The following SHISA9 variants were observed in gnomAD, a reference collection of about 807,000 sequenced individuals.
The protein encoded by SHISA9 is shisa family member 9.
A neutral mutation model predicts 38.0 loss-of-function variants in SHISA9; 13 were observed. That is an observed-to-expected ratio of 0.34 (90% CI 0.22 to 0.54). The LOEUF (loss-of-function observed/expected upper bound fraction) is 0.54. Among genes scored for constraint, SHISA9 ranks in the 20% least tolerant of loss-of-function variants. SHISA9 has a pLI of 0.91. For missense variants in SHISA9, 538 were observed against 575.8 expected (o/e 0.93, Z 0.67); for synonymous variants, 275 against 242.0 (o/e 1.14, Z -1.27).
chr16:13,340,058 A>T, the SHISA9 span, among the ~76,000 whole-genome samples: 1 of 152,216 alleles, frequency 6.6e-6, no homozygotes, highest in Non-Finnish European at 1.5e-5. Context: ...CTTTAGATTT[A>T]GTCATTCCTG....
At chr16:13,342,861 G>A in the SHISA9 span, among the ~76,000 whole-genome samples, 1 of 151,990 alleles carries the variant, frequency 6.6e-6, no homozygotes, top group Non-Finnish European at 1.5e-5. Context: ...ATGCAGTAAG[G>A]GCTACACACC....
chr16:13,490,243 G>A, the SHISA9 span, among the ~76,000 whole-genome samples: 2 of 152,172 alleles, frequency 1.3e-5, no homozygotes, highest in Non-Finnish European at 2.9e-5. Context: ...ATGCTGACTG[G>A]AATGTTGGGT....
the SHISA9 span, among the ~76,000 whole-genome samples, chr16:13,270,784 C>T: frequency 6.6e-6 from 1 of 152,134 alleles, no homozygotes; most frequent in Non-Finnish European, 1.5e-5. Context: ...TCTTATTAAT[C>T]AAGATATATG....
chr16:13,211,590 A>G (rs1596736078), intron 3 of SHISA9, among the ~76,000 whole-genome samples: 2 of 152,164 alleles, frequency 1.3e-5, no homozygotes, highest in South Asian at 4.1e-4. Flanking sequence ...TTCACCCTCA[A>G]AGTATTTTTC....
At chr16:13,247,970 T>G in the SHISA9 span, among the ~76,000 whole-genome samples, 1 of 152,250 alleles carries the variant, frequency 6.6e-6, no homozygotes, top group Non-Finnish European at 1.5e-5. Flanking sequence ...TCTGGTAATT[T>G]GAAGCTGTTT....
the SHISA9 span, chr16:13,331,541 T>G: frequency 6.6e-6 from 1 of 152,224 alleles, no homozygotes; most frequent in Non-Finnish European, 1.5e-5. Flanking sequence ...CAAAATGACT[T>G]AAGTTCCATA....
chr16:12,961,013 A>G (rs2071903876), intron 2 of SHISA9, among the ~76,000 whole-genome samples: 1 of 148,984 alleles, frequency 6.7e-6, no homozygotes, highest in Admixed American at 6.7e-5. Context: ...GTGTAATTAT[A>G]TCTGTAACAT....
intron 2 of SHISA9, among the ~76,000 whole-genome samples, chr16:13,118,180 T>TAAAAA (rs543126630): frequency 2.4e-5 from 2 of 84,044 alleles, no homozygotes; most frequent in Admixed American, 1.4e-4. Flanking sequence ...AGACTTCGTC[T>TAAAAA]AAAAAAAAAA....
chr16:13,024,114 C>T (rs1382941590), intron 2 of SHISA9, among the ~76,000 whole-genome samples: 1 of 152,206 alleles, frequency 6.6e-6, no homozygotes, highest in Non-Finnish European at 1.5e-5. Context: ...TTGGTTATCT[C>T]CATTTTAAAG....
rs74012274 is a variant in SHISA9, at chr16:13,117,607, C to T, written c.692-85787C>T. The stretch of plus-strand genomic sequence containing the variant: ...GAGACATGCAGAGAAGAAAACTGGA[C>T]GAAATGTGACCACACGGCAGAGATC... On this transcript the variant is annotated intron_variant, in intron 2 of 4. Transcript: ENST00000558583. 3.5e-3 allele frequency among the ~76,000 whole-genome samples: 533 copies of T among 152,186 alleles called. 4 individuals are homozygous for T. Among genetic ancestry groups the T allele is most frequent in the African/African-American group, 0.012 (510 of 41,542 alleles).
the SHISA9 span, among the ~76,000 whole-genome samples, chr16:13,383,924 G>A: frequency 6.6e-6 from 1 of 152,122 alleles, no homozygotes; most frequent in African/African-American, 2.4e-5. Context: ...CAAAGTGCTA[G>A]GATTACAGAC....
At chr16:13,298,862 C>A in the SHISA9 span, among the ~76,000 whole-genome samples, 1 of 152,214 alleles carries the variant, frequency 6.6e-6, no homozygotes, top group African/African-American at 2.4e-5. Context: ...AGAGCCACCA[C>A]AGGGCTTGGT....
the SHISA9 span, among the ~76,000 whole-genome samples, chr16:13,339,482 C>G: frequency 6.6e-6 from 1 of 152,160 alleles, no homozygotes; most frequent in South Asian, 2.1e-4. Context: ...CAGTCCTTAT[C>G]AATAAAATGG....
the SHISA9 span, among the ~76,000 whole-genome samples, chr16:13,477,268 G>A: frequency 2.5e-4 from 38 of 152,260 alleles, no homozygotes; most frequent in African/African-American, 8.4e-4. Context: ...TGTGATAGAG[G>A]CACAGGACAT....
At chr16:13,400,597 T>G in the SHISA9 span, among the ~76,000 whole-genome samples, 24 of 152,308 alleles carry the variant, frequency 1.6e-4, no homozygotes, top group Non-Finnish European at 3.1e-4. Flanking sequence ...ACCTTCCCAG[T>G]GACATCATAT....
the SHISA9 span, among the ~76,000 whole-genome samples, chr16:13,375,917 A>G: frequency 6.6e-6 from 1 of 152,188 alleles, no homozygotes; most frequent in Admixed American, 6.5e-5. Flanking sequence ...TGGCAGGCTG[A>G]TCCTAAAATT....
chr16:13,248,614 G>C, the SHISA9 span, among the ~76,000 whole-genome samples: 2 of 152,130 alleles, frequency 1.3e-5, no homozygotes, highest in East Asian at 3.9e-4. Flanking sequence ...GAGCAGTTGA[G>C]GTAAGATATG....
At chr16:13,115,680 C>A (rs1296485230) in intron 2 of SHISA9, among the ~76,000 whole-genome samples, 1 of 152,198 alleles carries the variant, frequency 6.6e-6, no homozygotes, top group Non-Finnish European at 1.5e-5. Flanking sequence ...TTGCTCCCAA[C>A]ACCGTATGCC....
intron 2 of SHISA9, among the ~76,000 whole-genome samples, chr16:13,096,942 A>ATATTCC (rs2073834028): frequency 6.6e-6 from 1 of 152,016 alleles, no homozygotes; most frequent in Admixed American, 6.5e-5. Flanking sequence ...TCCCTACACT[A>ATATTCC]TATTCCTACT....
Sources: allele counts gnomAD v4.1 joint callset (sites outside exome capture counted in the v4.1 genomes callset), GRCh38; gene constraint gnomAD v4.1.1; transcripts MANE v1.5; gene names NCBI Gene and HGNC (gene_info 2026-07-23, HGNC 2026-07-21).